The following COL25A1 variants were observed in gnomAD, a reference collection of about 807,000 sequenced individuals.
The protein encoded by COL25A1 is collagen type XXV alpha 1 chain.
COL25A1 carries 103 observed loss-of-function variants against 128.4 expected under a neutral mutation model. The observed-to-expected ratio is 0.80, with a 90% CI of 0.68 to 0.94. The LOEUF (loss-of-function observed/expected upper bound fraction) is 0.94. Ranked by LOEUF, COL25A1 falls within the 40% of genes least tolerant of loss-of-function variation. The probability of loss-of-function intolerance (pLI) is 0.00; values close to 1 mark genes in which losing one functional copy is unlikely to be tolerated. For missense variants in COL25A1, 745 were observed against 840.0 expected, an observed-to-expected ratio of 0.89 and a Z score of 1.40; for synonymous variants, 279 against 277.2, an observed-to-expected ratio of 1.01 and a Z score of -0.06.
chr4:109,264,765 CAT>C (rs1781679778), intron 3 of COL25A1, among the ~76,000 whole-genome samples: 1 of 152,178 alleles, frequency 6.6e-6, no homozygotes, highest in African/African-American at 2.4e-5. Context: ...AATCCAGCAA[CAT>C]GTGATATCAT....
intron 3 of COL25A1, among the ~76,000 whole-genome samples, chr4:109,079,566 A>G (rs893122645): frequency 3.9e-5 from 6 of 152,310 alleles, no homozygotes; most frequent in African/African-American, 1.4e-4. Flanking sequence ...ACCTATAATA[A>G]GAGCTAGAAT....
At chr4:108,818,690 G>T (rs1214146875) in intron 36 of COL25A1, among the ~76,000 whole-genome samples, 2 of 152,042 alleles carry the variant, frequency 1.3e-5, no homozygotes, top group Non-Finnish European at 2.9e-5. Flanking sequence ...AGAAGGTTGG[G>T]GCTGCAGACT....
chr4:108,891,599 T>G (rs1198899712), intron 16 of COL25A1, among the ~76,000 whole-genome samples: 7 of 152,126 alleles, frequency 4.6e-5, no homozygotes, highest in Non-Finnish European at 1.0e-4. Context: ...CACAAAACTC[T>G]CATGAAATAA....
intron 3 of COL25A1, among the ~76,000 whole-genome samples, chr4:109,114,751 C>A (rs893121561): frequency 1.3e-5 from 2 of 152,008 alleles, no homozygotes; most frequent in African/African-American, 4.8e-5. Flanking sequence ...TTATGAAAGG[C>A]ATGTGCAATA....
chr4:108,834,272 G>A, intron 31 of COL25A1: 1 of 1,354,886 alleles, frequency 7.4e-7, no homozygotes, highest in Non-Finnish European at 1.0e-6. Context: ...TTTGATGAGA[G>A]GACATGGAGC....
At chr4:108,893,086 A>C (rs1263455247) in intron 16 of COL25A1, among the ~76,000 whole-genome samples, 2 of 152,232 alleles carry the variant, frequency 1.3e-5, no homozygotes, top group Non-Finnish European at 2.9e-5. Flanking sequence ...AAAGGCTCAG[A>C]GGATGCAAGT....
chr4:108,920,055 C>A (rs1345710464), intron 12 of COL25A1, among the ~76,000 whole-genome samples: 2 of 152,186 alleles, frequency 1.3e-5, no homozygotes, highest in Non-Finnish European at 2.9e-5. Flanking sequence ...AGCCACTGTG[C>A]CTGGCCTCTC....
chr4:109,231,725 T>A (rs1437431961), intron 3 of COL25A1, among the ~76,000 whole-genome samples: 1 of 152,202 alleles, frequency 6.6e-6, no homozygotes, highest in Non-Finnish European at 1.5e-5. Context: ...TCTTTATTGC[T>A]GAGAGGCAAC....
chr4:108,944,825 T>C (rs1283911790), intron 8 of COL25A1, among the ~76,000 whole-genome samples: 1 of 152,218 alleles, frequency 6.6e-6, no homozygotes, highest in Admixed American at 6.5e-5. Flanking sequence ...TAATCTCTAT[T>C]TGAGGAAGCT....
chr4:109,102,808 C>A (rs905565878), intron 3 of COL25A1, among the ~76,000 whole-genome samples: 18 of 152,112 alleles, frequency 1.2e-4, no homozygotes, highest in African/African-American at 4.1e-4. Context: ...TTTAATATAG[C>A]CACTTTAGCT....
chr4:109,269,356 A>G (rs1782026405), intron 3 of COL25A1, among the ~76,000 whole-genome samples: 1 of 143,120 alleles, frequency 7.0e-6, no homozygotes, highest in African/African-American at 2.6e-5. Flanking sequence ...GGTTGGTTCC[A>G]AGTCTTTGCT....
intron 3 of COL25A1, among the ~76,000 whole-genome samples, chr4:109,232,668 T>A (rs1034870144): frequency 2.0e-5 from 3 of 151,916 alleles, no homozygotes; most frequent in Non-Finnish European, 4.4e-5. Context: ...GAGATATATA[T>A]AAGTAACCTC....
At chr4:109,269,228 CA>C (rs1408719760) in intron 3 of COL25A1, among the ~76,000 whole-genome samples, 1 of 151,742 alleles carries the variant, frequency 6.6e-6, no homozygotes, top group Non-Finnish European at 1.5e-5. Flanking sequence ...TGATGGTTTC[CA>C]ATTTCATCCA....
intron 3 of COL25A1, among the ~76,000 whole-genome samples, chr4:109,285,566 C>T (rs988390743): frequency 2.6e-5 from 4 of 152,176 alleles, no homozygotes; most frequent in African/African-American, 9.7e-5. Flanking sequence ...GCAATTCACA[C>T]AATCTAAAAA....
chr4:108,905,160 C>T (rs1026673397), intron 13 of COL25A1, among the ~76,000 whole-genome samples: 2 of 152,086 alleles, frequency 1.3e-5, no homozygotes, highest in Non-Finnish European at 1.5e-5. Context: ...TGGACCTATA[C>T]GTTATACCTG....
intron 3 of COL25A1, among the ~76,000 whole-genome samples, chr4:109,236,972 G>A (rs1179480809): frequency 6.6e-6 from 1 of 151,836 alleles, no homozygotes; most frequent in Non-Finnish European, 1.5e-5. Flanking sequence ...TATGTAGAAT[G>A]GTCACTGAAA....
At chr4:109,185,311 C>T (rs1319439400) in intron 3 of COL25A1, among the ~76,000 whole-genome samples, 2 of 152,126 alleles carry the variant, frequency 1.3e-5, no homozygotes, top group Non-Finnish European at 1.5e-5. Context: ...ACATTGAGCA[C>T]TTATCCTTAT....
chr4:109,062,657 G>A (rs1762084119), intron 3 of COL25A1, among the ~76,000 whole-genome samples: 1 of 152,064 alleles, frequency 6.6e-6, no homozygotes, highest in Non-Finnish European at 1.5e-5. Flanking sequence ...CAAAAATGAG[G>A]AAATTAGGAT....
At chr4:108,889,890 G>GT (rs765755240) in intron 16 of COL25A1, among the ~76,000 whole-genome samples, 157 bp from the exon 17 acceptor site, 6 of 152,266 alleles carry the variant, frequency 3.9e-5, no homozygotes, top group Admixed American at 1.3e-4. Context: ...CATCTCAGCT[G>GT]TTAAGATCTA....
Sources: allele counts gnomAD v4.1 joint callset (sites outside exome capture counted in the v4.1 genomes callset), GRCh38; gene constraint gnomAD v4.1.1; transcripts MANE v1.5; gene names NCBI Gene and HGNC (gene_info 2026-07-23, HGNC 2026-07-21).